Variants in MLIP observed in about 807,000 individuals in gnomAD.
MLIP encodes the protein muscular LMNA-interacting protein.
A neutral mutation model predicts 84.8 loss-of-function variants in MLIP; 79 were observed. The ratio of observed to expected loss-of-function variants is 0.93; its 90% CI spans 0.78 to 1.12. The LOEUF is 1.12. Among genes scored for constraint, MLIP ranks in the 50% most tolerant of loss-of-function variants. The pLI, the probability that MLIP is intolerant of heterozygous loss-of-function variation, is 0.00. For missense variants in MLIP, 1,257 were observed against 1,160.6 expected (o/e 1.08, Z -1.21); for synonymous variants, 504 against 463.0 (o/e 1.09, Z -1.14).
At chr6:54,149,343 A>T (rs1268440977) in intron 5 of MLIP, among the ~76,000 whole-genome samples, 1 of 152,090 alleles carries the variant, frequency 6.6e-6, no homozygotes, top group Non-Finnish European at 1.5e-5. Context: ...GAGCCTAGGG[A>T]TGTTTAGTCC....
intron 10 of MLIP, among the ~76,000 whole-genome samples, chr6:54,201,815 A>G (rs1778699790): frequency 6.6e-6 from 1 of 152,182 alleles, no homozygotes; most frequent in Non-Finnish European, 1.5e-5. Context: ...AGCAAATGAA[A>G]TATGTGTTGA....
chr6:54,193,306 C>T (rs977134261), intron 10 of MLIP, among the ~76,000 whole-genome samples: 1 of 152,258 alleles, frequency 6.6e-6, no homozygotes, highest in Admixed American at 6.5e-5. Flanking sequence ...CTCTGTCAGC[C>T]TGAAGGGATT....
rs1310126338 is a variant in MLIP at position 54,067,877 on chromosome 6, C to T, written c.63+48786C>T. On this transcript the variant is annotated intron_variant, in intron 1 of 12. Transcript: ENST00000274897. ...GGCTAAAGCAATATTCACCGACCTA[C>T]ACATCAAGACACGATTGAAAATCCA... 9.0e-5 allele frequency among the ~76,000 whole-genome samples: 9 copies of T among 99,660 alleles called. 4 individuals carry two copies. The highest frequency in any genetic ancestry group is 4.7e-4 in the Admixed American group (5 of 10,696). The allele number at this position is 99,660 out of a possible 152,430, so 65.4% of individuals were successfully genotyped here. A position where few individuals can be genotyped will look rare whatever the true frequency, so the allele number is the denominator to read the frequency against.
intron 1 of MLIP, among the ~76,000 whole-genome samples, chr6:54,113,694 G>T (rs1769668538): frequency 6.6e-6 from 1 of 151,996 alleles, no homozygotes; most frequent in African/African-American, 2.4e-5. Context: ...CTGGAATTTA[G>T]AATCATCTGG....
At chr6:54,210,020 G>A (rs1278036293) in intron 11 of MLIP, among the ~76,000 whole-genome samples, 2 of 149,520 alleles carry the variant, frequency 1.3e-5, no homozygotes, top group African/African-American at 4.9e-5. Context: ...TACAGTTAAT[G>A]GTTTAGAACT....
rs767564609 is a variant in MLIP at position 54,136,932 on chromosome 6, C to T, written c.863C>T (p.Ser288Phe). 1.3e-6 allele frequency: 2 copies of T among 1,536,058 alleles called. No individual in the cohort carries two copies. The highest frequency in any genetic ancestry group is 1.2e-5 in the South Asian group (1 of 84,062). ...FQTTAHSTPFSASKGTSSTLL... is the reference protein window; with the variant it reads ...FQTTAHSTPFFASKGTSSTLL... ...ACTACCGCTCACTCTACACCCTTTT[C>T]TGCATCGAAGGGCACCTCCTCGACG... Residue 288 changes from serine to phenylalanine, a missense_variant, in exon 4 of 14, where the codon TCT becomes TTT. Ser to Phe is a radical substitution (Grantham distance 155, BLOSUM62 -2). Coordinates refer to ENST00000502396, the MANE Select transcript of MLIP (RefSeq NM_001281747.2).
chr6:54,072,550 A>G (rs1289292906), intron 1 of MLIP, among the ~76,000 whole-genome samples: 1 of 152,168 alleles, frequency 6.6e-6, no homozygotes, highest in African/African-American at 2.4e-5. Context: ...GAATGACACT[A>G]TTATAGTTCT....
Position 54,111,527 on chromosome 6 carries a change from C to G in MLIP, c.48C>G (p.Phe16Leu). 2.6e-6 allele frequency: 4 copies of G among 1,536,030 alleles called. No homozygotes were observed. The highest frequency in any genetic ancestry group is 2.4e-5 in the East Asian group (1 of 40,906). ...TGAGTGACTGCGGGAACAATTACTT[C>G]CAAATGACCTCGTGCATCTTATCAG... is the stretch of plus-strand genomic sequence containing the variant. ...GLLSDCGNNYFQMTSCILSGS... is the reference protein window; with the variant it reads ...GLLSDCGNNYLQMTSCILSGS... The change falls in exon 1 of 14, where the codon TTC becomes TTG. Residue 16 changes from phenylalanine to leucine, a missense_variant. Phe to Leu is a conservative substitution (Grantham distance 22, BLOSUM62 0). Transcript: ENST00000502396.
intron 1 of MLIP, among the ~76,000 whole-genome samples, chr6:54,105,604 A>G (rs141544674): frequency 0.011 from 1,631 of 152,268 alleles, 33 homozygotes; most frequent in African/African-American, 0.036. Context: ...GGAAGAAACA[A>G]GCATCAGAGG....
chr6:54,045,375 G>A (rs1359610898), intron 1 of MLIP: 1 of 151,908 alleles, frequency 6.6e-6, no homozygotes. Context: ...ATGAGGAATG[G>A]TGATGCACCA....
intron 1 of MLIP, chr6:54,063,216 A>G (rs1766073939): frequency 6.6e-6 from 1 of 151,892 alleles, no homozygotes; most frequent in African/African-American, 2.4e-5. Flanking sequence ...AAAAAAAAAA[A>G]AAAGAAAAAG....
intron 2 of MLIP, among the ~76,000 whole-genome samples, chr6:54,123,129 G>A (rs1770610454): frequency 6.7e-6 from 1 of 150,022 alleles, no homozygotes; most frequent in African/African-American, 2.5e-5. Flanking sequence ...TAGAGACGGG[G>A]TTTAACCTTG....
chr6:54,051,654 C>T (rs1252198952), intron 1 of MLIP, among the ~76,000 whole-genome samples: 1 of 152,054 alleles, frequency 6.6e-6, no homozygotes, highest in Non-Finnish European at 1.5e-5. Flanking sequence ...ATTCTGATCC[C>T]AGATGTGCAA....
At chr6:54,084,709 AT>A (rs1468360770) in intron 1 of MLIP, among the ~76,000 whole-genome samples, 1 of 152,058 alleles carries the variant, frequency 6.6e-6, no homozygotes, top group African/African-American at 2.4e-5. Context: ...TTTTCATTGC[AT>A]TTTTTAAGCT....
At chr6:54,220,133 AAGT>A (rs1780125565) in intron 11 of MLIP, among the ~76,000 whole-genome samples, 1 of 152,206 alleles carries the variant, frequency 6.6e-6, no homozygotes, top group Non-Finnish European at 1.5e-5. Flanking sequence ...ATTTGATAAG[AAGT>A]AGGTTATTTT....
intron 12 of MLIP, among the ~76,000 whole-genome samples, chr6:54,243,138 A>C (rs547938691): frequency 5.3e-5 from 8 of 152,186 alleles, no homozygotes; most frequent in Non-Finnish European, 1.0e-4. Flanking sequence ...CTGCCATGCA[A>C]AAGACATTTG....
At chr6:54,088,059 CA>C (rs1257593784) in intron 1 of MLIP, among the ~76,000 whole-genome samples, 2 of 152,124 alleles carry the variant, frequency 1.3e-5, no homozygotes, top group Non-Finnish European at 2.9e-5. Flanking sequence ...CTCTTGTTCC[CA>C]AAAGGAAATT....
chr6:54,180,301 T>A (rs943082526), intron 9 of MLIP, among the ~76,000 whole-genome samples: 2 of 152,162 alleles, frequency 1.3e-5, no homozygotes, highest in Non-Finnish European at 2.9e-5. Flanking sequence ...GAGGTCATCT[T>A]CCTTGGGTTA....
intron 1 of MLIP, among the ~76,000 whole-genome samples, chr6:54,073,698 G>C (rs1766623640): frequency 6.6e-6 from 1 of 152,166 alleles, no homozygotes; most frequent in Non-Finnish European, 1.5e-5. Context: ...ACGCCATGCT[G>C]CTGATCCTGA....
Sources: gnomAD v4.1 joint callset for allele counts (sites outside exome capture counted in the v4.1 genomes callset) on GRCh38, gnomAD v4.1.1 for gene constraint, MANE v1.5 for transcripts, NCBI Gene and HGNC (gene_info 2026-07-23, HGNC 2026-07-21) for gene names.